TRAPPC11: variants seen among roughly 807,000 people sequenced by gnomAD.
The protein encoded by TRAPPC11 is foie gras homolog.
In TRAPPC11, 104 loss-of-function variants were observed where a neutral mutation model predicts 151.2. The observed-to-expected ratio is 0.69, with a 90% CI of 0.59 to 0.81. The LOEUF (loss-of-function observed/expected upper bound fraction) is 0.81, where lower values mean the gene tolerates loss of function less well. TRAPPC11 is among the 30% of genes least tolerant of loss of function. TRAPPC11 has a pLI of 0.00. For missense variants in TRAPPC11, 1,230 were observed against 1,349.6 expected, an observed-to-expected ratio of 0.91 and a Z score of 1.39; for synonymous variants, 456 against 472.3, an observed-to-expected ratio of 0.97 and a Z score of 0.45.
intron 18 of TRAPPC11, among the ~76,000 whole-genome samples, chr4:183,689,623 CA>C (rs1332476242): frequency 6.9e-6 from 1 of 144,760 alleles, no homozygotes; most frequent in Admixed American, 6.9e-5. Context: ...AGGGTCAACA[CA>C]AGGACTCTTT....
At chr4:183,672,592 C>T (rs1023593441) in intron 5 of TRAPPC11, among the ~76,000 whole-genome samples, 4 of 152,176 alleles carry the variant, frequency 2.6e-5, no homozygotes, top group African/African-American at 9.7e-5. Context: ...AAAGTGGAAG[C>T]CTTACAACAC....
At chr4:183,671,142 A>C (rs756840145) in intron 5 of TRAPPC11, among the ~76,000 whole-genome samples, 1 of 152,166 alleles carries the variant, frequency 6.6e-6, no homozygotes, top group Non-Finnish European at 1.5e-5. Context: ...CTGGGATTAC[A>C]TTCATGAGCC....
chr4:183,674,907 A>C (rs1192365784), intron 6 of TRAPPC11, 95 bp downstream of exon 6: 1 of 761,178 alleles, frequency 1.3e-6, no homozygotes, highest in Non-Finnish European at 2.1e-6. Context: ...TAATGTTTTA[A>C]ATGGTTTCAG....
intron 1 of TRAPPC11, among the ~76,000 whole-genome samples, chr4:183,662,360 A>G (rs1734600220): frequency 6.6e-6 from 1 of 151,414 alleles, no homozygotes; most frequent in Non-Finnish European, 1.5e-5. Flanking sequence ...GTCTCAAAAA[A>G]AAAAAAAAAA....
chr4:183,687,264 G>A (rs1736025955), intron 18 of TRAPPC11, among the ~76,000 whole-genome samples: 1 of 151,734 alleles, frequency 6.6e-6, no homozygotes, highest in South Asian at 2.1e-4. Flanking sequence ...TTCACTCCAT[G>A]TTTATAAAGT....
intron 25 of TRAPPC11, 38 bp downstream of exon 25, chr4:183,697,873 T>G: frequency 6.3e-7 from 1 of 1,578,956 alleles, no homozygotes; most frequent in East Asian, 2.3e-5. Context: ...ACCAGGAGAA[T>G]TGTGCGCGCG....
chr4:183,695,161 G>T (rs1736472695), intron 23 of TRAPPC11, among the ~76,000 whole-genome samples: 1 of 151,960 alleles, frequency 6.6e-6, no homozygotes, highest in Admixed American at 6.6e-5. Flanking sequence ...TGTTGGTCAG[G>T]CTGGTCTTGA....
At chr4:183,701,641 C>T in intron 25 of TRAPPC11, 56 bp from the exon 26 acceptor site, 1 of 1,207,572 alleles carries the variant, frequency 8.3e-7, no homozygotes, top group Non-Finnish European at 1.2e-6. Context: ...GGATGTGAAA[C>T]TCTCCTTTTG....
chr4:183,702,839 AC>A (rs1300334735), intron 26 of TRAPPC11, among the ~76,000 whole-genome samples: 2 of 152,208 alleles, frequency 1.3e-5, no homozygotes, highest in African/African-American at 4.8e-5. Flanking sequence ...AAAATGTATT[AC>A]TTAAAAATGA....
At chr4:183,663,286 T>C (rs1396244427) in intron 1 of TRAPPC11, among the ~76,000 whole-genome samples, 3 of 152,092 alleles carry the variant, frequency 2.0e-5, no homozygotes. Context: ...CAGGCTAGAG[T>C]GCAGTGGCGC....
At chr4:183,709,836 C>T (rs1353829108) in intron 29 of TRAPPC11, among the ~76,000 whole-genome samples, 1 of 152,064 alleles carries the variant, frequency 6.6e-6, no homozygotes, top group South Asian at 2.1e-4. Context: ...TGTGTTTAAA[C>T]GCTTTTTAAA....
At chr4:183,705,286 C>G (rs1737000246) in intron 27 of TRAPPC11, among the ~76,000 whole-genome samples, 1 of 152,194 alleles carries the variant, frequency 6.6e-6, no homozygotes, top group East Asian at 1.9e-4. Context: ...TAAATACTTT[C>G]ATATGCCTGT....
intron 9 of TRAPPC11, 61 bp from the exon 10 acceptor site, chr4:183,680,057 TAC>T: frequency 7.0e-7 from 1 of 1,435,742 alleles, no homozygotes; most frequent in Non-Finnish European, 9.6e-7. Flanking sequence ...CAGGATGAAT[TAC>T]CAGAAATAAG....
At chr4:183,701,539 GA>G (rs1017492206) in intron 25 of TRAPPC11, 157 bp from the exon 26 acceptor site, 2 of 568,380 alleles carry the variant, frequency 3.5e-6, no homozygotes, top group Admixed American at 6.2e-5. Context: ...TTGTGACCTT[GA>G]AAAAGTCATT....
At chr4:183,699,190 T>C (rs1433306933) in intron 25 of TRAPPC11, among the ~76,000 whole-genome samples, 1 of 152,174 alleles carries the variant, frequency 6.6e-6, no homozygotes, top group African/African-American at 2.4e-5. Flanking sequence ...AGGGCATTCA[T>C]CCAACATTGC....
chr4:183,664,995 A>G (rs1306735301), intron 2 of TRAPPC11, among the ~76,000 whole-genome samples: 1 of 150,828 alleles, frequency 6.6e-6, no homozygotes, highest in East Asian at 1.9e-4. Flanking sequence ...ACACGACAAC[A>G]TTTCATATAC....
intron 8 of TRAPPC11, among the ~76,000 whole-genome samples, chr4:183,678,909 C>T (rs1278877958): frequency 6.6e-6 from 1 of 152,140 alleles, no homozygotes; most frequent in Non-Finnish European, 1.5e-5. Flanking sequence ...ACAAAATTTT[C>T]AAGAATTTCT....
At chr4:183,677,595 A>G (rs1222641002) in intron 8 of TRAPPC11, 41 bp downstream of exon 8, 5 of 1,081,310 alleles carry the variant, frequency 4.6e-6, no homozygotes, top group Non-Finnish European at 2.8e-6. Flanking sequence ...TTGTGTTTCA[A>G]TATTAAATTA....
Position 183,712,594 on chromosome 4 carries a change from T to G in TRAPPC11, c.3358-6T>G. 1 of 1,614,086 alleles carries G rather than the reference T, an allele frequency of 6.2e-7. No individual in the cohort carries two copies. The highest frequency in any genetic ancestry group is 1.7e-5 in the Admixed American group (1 of 60,010). On this transcript the variant is annotated splice_polypyrimidine_tract_variant and splice_region_variant and intron_variant, in intron 29 of 29. Coordinates refer to ENST00000334690, the MANE Select transcript of TRAPPC11 (RefSeq NM_021942.6). The stretch of plus-strand genomic sequence containing the variant: ...GTAAACCCACTTTGTTTTTCCCACT[T>G]TAAAGCCACAGGGTCGACTCATGGA...
Sources: allele counts gnomAD v4.1 joint callset (sites outside exome capture counted in the v4.1 genomes callset), GRCh38; gene constraint gnomAD v4.1.1; transcripts MANE v1.5; gene names NCBI Gene and HGNC (gene_info 2026-07-23, HGNC 2026-07-21).